EPB41L2: variants seen among roughly 807,000 people sequenced by gnomAD.
EPB41L2 encodes band 4.1-like protein 2.
EPB41L2 carries 43 observed loss-of-function variants against 113.0 expected under a neutral mutation model. The observed-to-expected ratio is 0.38, with a 90% CI of 0.30 to 0.49. The LOEUF (loss-of-function observed/expected upper bound fraction) is 0.49, where lower values mean the gene tolerates loss of function less well. Among genes scored for constraint, EPB41L2 ranks in the 20% least tolerant of loss-of-function variants. EPB41L2 has a pLI of 0.95. For missense variants in EPB41L2, 1,147 were observed against 1,223.4 expected, an observed-to-expected ratio of 0.94 and a Z score of 0.93; for synonymous variants, 442 against 436.7, an observed-to-expected ratio of 1.01 and a Z score of -0.15.
chr6:130,958,977 T>C (rs996209008), intron 1 of EPB41L2, among the ~76,000 whole-genome samples: 2 of 152,190 alleles, frequency 1.3e-5, no homozygotes, highest in Admixed American at 6.5e-5. Flanking sequence ...GGAGATTGGG[T>C]TGATCTGATC....
intron 1 of EPB41L2, among the ~76,000 whole-genome samples, chr6:131,019,067 G>A (rs900804282): frequency 5.3e-5 from 8 of 152,240 alleles, no homozygotes; most frequent in Non-Finnish European, 7.4e-5. Flanking sequence ...TGGGATATGC[G>A]TGAATTTTCA....
At chr6:130,927,413 G>A (rs2128554365) in intron 3 of EPB41L2, among the ~76,000 whole-genome samples, 1 of 152,248 alleles carries the variant, frequency 6.6e-6, no homozygotes, top group African/African-American at 2.4e-5. Flanking sequence ...AAAGCTCATT[G>A]TCTCTTCAAT....
In EPB41L2 at chr6:130,839,663, A is replaced by C. The variant is rs1774947243; in HGVS notation, c.*941T>G. The C allele has an allele frequency of 6.6e-6, 1 of 152,252 alleles. No individual in the cohort carries two copies. Among genetic ancestry groups the C allele is most frequent in the South Asian group, 2.1e-4 (1 of 4,834 alleles). The allele number at this position is 152,252 out of a possible 1,614,324, so 9.4% of individuals were successfully genotyped here. On this transcript the variant is annotated 3_prime_UTR_variant, in exon 20 of 20. Transcript: ENST00000337057. ...CTCAATAACAAAAGGTAAGTTTTACATGTGTAGACAAAGAGGTTTAATACA... is the reference window on the plus strand; with the variant it reads ...CTCAATAACAAAAGGTAAGTTTTACCTGTGTAGACAAAGAGGTTTAATACA...
chr6:130,983,179 C>T (rs758524567), intron 1 of EPB41L2, among the ~76,000 whole-genome samples: 3 of 152,128 alleles, frequency 2.0e-5, no homozygotes, highest in Non-Finnish European at 4.4e-5. Context: ...TAAGAGAAAC[C>T]AGGAACCGCA....
chr6:130,986,263 T>G (rs1780534694), intron 1 of EPB41L2, among the ~76,000 whole-genome samples: 1 of 152,154 alleles, frequency 6.6e-6, no homozygotes, highest in South Asian at 2.1e-4. Context: ...AAAGCCAGCA[T>G]CCTTTTCACA....
chr6:130,877,064 A>G (rs996995256), intron 14 of EPB41L2, among the ~76,000 whole-genome samples: 18 of 152,182 alleles, frequency 1.2e-4, no homozygotes, highest in African/African-American at 4.3e-4. Context: ...ATGTCTTAAT[A>G]TTTTCAAAAG....
At chr6:130,949,329 CA>C (rs1697290471) in intron 3 of EPB41L2, among the ~76,000 whole-genome samples, 3 of 152,242 alleles carry the variant, frequency 2.0e-5, no homozygotes, top group Admixed American at 2.0e-4. Flanking sequence ...GGGCCAGAGA[CA>C]GTGGCTCATG....
At chr6:130,858,352 G>A in intron 18 of EPB41L2, 109 bp from the exon 19 acceptor site, 2 of 734,240 alleles carry the variant, frequency 2.7e-6, no homozygotes, top group Non-Finnish European at 4.5e-6. Context: ...AAGCCAAGAG[G>A]CACTCACTTC....
At position 130,956,219 on chromosome 6, in the gene EPB41L2, G is replaced by A. The variant is rs1243962980; in HGVS notation, c.267C>T (p.Thr89=). The A allele has an allele frequency of 6.2e-7, 1 of 1,614,064 alleles. No individual in the cohort carries two copies. ...PPWLKKQKSY[T]LVVAKDGGDK... is the part of the protein sequence containing the mutation. ...CTCCTCCATCTTTGGCCACTACTAA[G>A]GTATATGACTTTTGCTTCTTAAGCC... Residue 89 remains threonine, a synonymous_variant, in exon 2 of 20, where the codon ACC becomes ACT. Transcript: ENST00000337057.
chr6:130,912,736 C>T (rs3777452), intron 4 of EPB41L2, among the ~76,000 whole-genome samples: 14,553 of 151,910 alleles, frequency 0.096, 821 homozygotes, highest in Admixed American at 0.14. Flanking sequence ...TGGCCAGCCT[C>T]GATAAGTGCA....
At chr6:131,039,576 T>C (rs1794034831) in intron 1 of EPB41L2, among the ~76,000 whole-genome samples, 1 of 152,188 alleles carries the variant, frequency 6.6e-6, no homozygotes, top group Non-Finnish European at 1.5e-5. Flanking sequence ...CTGTAGCACT[T>C]TCCTATAATG....
intron 3 of EPB41L2, among the ~76,000 whole-genome samples, chr6:130,944,596 C>T (rs935541604): frequency 8.5e-5 from 13 of 152,128 alleles, no homozygotes; most frequent in Non-Finnish European, 1.6e-4. Flanking sequence ...AAGAAAAGAA[C>T]ATTCTGAGAG....
intron 10 of EPB41L2, among the ~76,000 whole-genome samples, chr6:130,892,403 C>CTTTTTTTTCTTTTTTTTTTTTTTT (rs1793207306): frequency 2.2e-5 from 2 of 92,640 alleles, no homozygotes; most frequent in Non-Finnish European, 4.8e-5. Flanking sequence ...CAGATTATTG[C>CTTTTTTTTCTTTTTTTTTTTTTTT]TTTTTTTTTT....
rs565964584 is a variant in EPB41L2, at chr6:130,932,183, T to C, written c.706-5474A>G. 8.5e-5 allele frequency among the ~76,000 whole-genome samples: 13 copies of C among 152,288 alleles called. No individual in the cohort carries two copies. In the South Asian group the frequency reaches 2.5e-3, roughly 29 times the overall value. On this transcript the variant is annotated intron_variant, in intron 3 of 19. Transcript: ENST00000337057. ...TTCACAAATAAGAAAAATAAGGTTA[T>C]AGAAAGTTTATCTAATTTTTCAGTC...
intron 19 of EPB41L2, among the ~76,000 whole-genome samples, chr6:130,849,790 C>T (rs192465864): frequency 6.6e-6 from 1 of 152,248 alleles, no homozygotes; most frequent in African/African-American, 2.4e-5. Flanking sequence ...GAAACAAATG[C>T]TCTTTCCTGA....
intron 1 of EPB41L2, among the ~76,000 whole-genome samples, chr6:130,989,703 T>C (rs916274299): frequency 3.3e-5 from 5 of 152,242 alleles, no homozygotes; most frequent in African/African-American, 1.2e-4. Flanking sequence ...GGGATCTGTG[T>C]TTTCTTCGTT....
At chr6:130,979,556 G>C (rs929121947) in intron 1 of EPB41L2, among the ~76,000 whole-genome samples, 2 of 149,898 alleles carry the variant, frequency 1.3e-5, no homozygotes, top group Admixed American at 1.3e-4. Context: ...AGGAGACTAA[G>C]ATAGAAGCAA....
intron 1 of EPB41L2, among the ~76,000 whole-genome samples, chr6:131,053,381 A>G (rs911120503): frequency 2.1e-5 from 3 of 146,090 alleles, no homozygotes; most frequent in Non-Finnish European, 3.0e-5. Context: ...TACTACTGTT[A>G]CTACTTGAGA....
chr6:131,039,311 A>G (rs541259426), intron 1 of EPB41L2, among the ~76,000 whole-genome samples: 10 of 152,292 alleles, frequency 6.6e-5, no homozygotes, highest in African/African-American at 9.6e-5. Context: ...GAACTCCTAC[A>G]TTTCCAAATT....
Sources: gnomAD v4.1 joint callset for allele counts (sites outside exome capture counted in the v4.1 genomes callset) on GRCh38, gnomAD v4.1.1 for gene constraint, MANE v1.5 for transcripts, NCBI Gene and HGNC (gene_info 2026-07-23, HGNC 2026-07-21) for gene names.